Variants in GRM7 observed in about 807,000 individuals in gnomAD.
GRM7 encodes the protein metabotropic glutamate receptor 7.
A neutral mutation model predicts 84.5 loss-of-function variants in GRM7; 35 were observed. The observed-to-expected ratio is 0.41, with a 90% confidence interval of 0.32 to 0.55. GRM7 has a LOEUF of 0.55. Ranked by LOEUF, GRM7 falls within the 20% of genes least tolerant of loss-of-function variation. GRM7 has a pLI of 0.19. For missense variants in GRM7, 1,003 were observed against 1,194.6 expected, an observed-to-expected ratio of 0.84 and a Z score of 2.36; for synonymous variants, 487 against 455.1, an observed-to-expected ratio of 1.07 and a Z score of -0.89.
intron 8 of GRM7, among the ~76,000 whole-genome samples, chr3:7,611,877 AC>A (rs1696864293): frequency 6.6e-6 from 1 of 152,224 alleles, no homozygotes; most frequent in Non-Finnish European, 1.5e-5. Flanking sequence ...GTATGAGAAT[AC>A]AAAAATCATA....
chr3:7,602,203 C>T (rs568913452), intron 8 of GRM7, among the ~76,000 whole-genome samples: 1 of 151,904 alleles, frequency 6.6e-6, no homozygotes, highest in South Asian at 2.1e-4. Flanking sequence ...GGCTTTGGTG[C>T]CCTTGGAATG....
intron 4 of GRM7, among the ~76,000 whole-genome samples, chr3:7,336,547 A>G (rs992096681): frequency 8.5e-5 from 13 of 152,114 alleles, no homozygotes; most frequent in African/African-American, 1.7e-4. Context: ...CACCAGAGCA[A>G]TTAGACAAGA....
At chr3:7,080,697 T>TAC (rs35229114) in intron 1 of GRM7, among the ~76,000 whole-genome samples, 35,544 of 151,582 alleles carry the variant, frequency 0.23, 4,545 homozygotes, top group African/African-American at 0.32. Flanking sequence ...TATATATATA[T>TAC]ACAAACTACG....
chr3:7,606,877 G>A (rs1048824371), intron 8 of GRM7: 1 of 152,098 alleles, frequency 6.6e-6, no homozygotes, highest in African/African-American at 2.4e-5. Context: ...TCAATGTAAA[G>A]CATTGAAGTC....
chr3:7,392,076 A>T (rs1393541147), intron 4 of GRM7, among the ~76,000 whole-genome samples: 2 of 152,180 alleles, frequency 1.3e-5, no homozygotes, highest in African/African-American at 2.4e-5. Context: ...GGCCTTTGGC[A>T]GACTGTGCTA....
At chr3:7,183,166 A>G (rs1293784115) in intron 2 of GRM7, among the ~76,000 whole-genome samples, 1 of 152,198 alleles carries the variant, frequency 6.6e-6, no homozygotes, top group Non-Finnish European at 1.5e-5. Flanking sequence ...TTTCACGTAT[A>G]TATCAAATGA....
At chr3:6,941,439 G>A (rs1316585756) in intron 1 of GRM7, among the ~76,000 whole-genome samples, 1 of 152,146 alleles carries the variant, frequency 6.6e-6, no homozygotes, top group Non-Finnish European at 1.5e-5. Context: ...ACAAACTTTG[G>A]ATGAAAAAGT....
intron 5 of GRM7, among the ~76,000 whole-genome samples, chr3:7,444,052 A>T (rs776852486): frequency 2.6e-5 from 4 of 152,204 alleles, no homozygotes; most frequent in Non-Finnish European, 5.9e-5. Flanking sequence ...CAAAGTTCAC[A>T]TCATCCTTTT....
chr3:7,299,661 G>T (rs957168723), intron 3 of GRM7, among the ~76,000 whole-genome samples: 1 of 152,076 alleles, frequency 6.6e-6, no homozygotes, highest in South Asian at 2.1e-4. Flanking sequence ...TACACAAATG[G>T]TAGCATGTTG....
chr3:7,103,950 T>C (rs1699212412), intron 1 of GRM7, among the ~76,000 whole-genome samples: 1 of 151,236 alleles, frequency 6.6e-6, no homozygotes, highest in African/African-American at 2.4e-5. Flanking sequence ...TTGTAGACAA[T>C]GTTGTTAATC....
chr3:7,644,154 GTA>G (rs56065518), intron 8 of GRM7, among the ~76,000 whole-genome samples: 30,309 of 102,730 alleles, frequency 0.3, 5,104 homozygotes, highest in Non-Finnish European at 0.35. Context: ...ATGTCTGTAC[GTA>G]TATATATATA....
intron 4 of GRM7, among the ~76,000 whole-genome samples, chr3:7,319,356 A>C (rs1700691364): frequency 6.6e-6 from 1 of 152,068 alleles, no homozygotes; most frequent in South Asian, 2.1e-4. Context: ...AAAGAGCCAA[A>C]AGTATCAAAC....
At chr3:6,910,223 G>A (rs1457240132) in intron 1 of GRM7, among the ~76,000 whole-genome samples, 1 of 152,094 alleles carries the variant, frequency 6.6e-6, no homozygotes, top group Non-Finnish European at 1.5e-5. Context: ...CTAATCCATA[G>A]GTATCACCAG....
At chr3:7,441,599 T>C (rs1199513522) in intron 5 of GRM7, among the ~76,000 whole-genome samples, 1 of 152,074 alleles carries the variant, frequency 6.6e-6, no homozygotes, top group African/African-American at 2.4e-5. Flanking sequence ...TCTTAAAGAG[T>C]TTGTATAGTT....
chr3:7,619,954 C>G (rs1274594900), intron 8 of GRM7, among the ~76,000 whole-genome samples: 1 of 152,104 alleles, frequency 6.6e-6, no homozygotes, highest in Non-Finnish European at 1.5e-5. Flanking sequence ...TCTGCCTTTG[C>G]CTTATTTTAG....
intron 7 of GRM7, among the ~76,000 whole-genome samples, chr3:7,574,679 G>A (rs1694872574): frequency 6.6e-6 from 1 of 152,326 alleles, no homozygotes; most frequent in South Asian, 2.1e-4. Flanking sequence ...AGCAAGAAGA[G>A]CTTCTCACAG....
At chr3:7,209,123 C>T (rs1026873482) in intron 2 of GRM7, among the ~76,000 whole-genome samples, 3 of 152,116 alleles carry the variant, frequency 2.0e-5, no homozygotes, top group African/African-American at 7.2e-5. Context: ...TACTCAAAGC[C>T]TATTGTAAAA....
At chr3:7,250,545 A>G (rs76945705) in intron 2 of GRM7, among the ~76,000 whole-genome samples, 151,670 of 151,674 alleles carry the variant, frequency 1, 75,833 homozygotes, top group Middle Eastern at 1. Flanking sequence ...AAATCCAAAA[A>G]AATCCCCATC....
intron 1 of GRM7, among the ~76,000 whole-genome samples, chr3:6,866,899 A>G (rs887545207): frequency 2.0e-5 from 3 of 152,208 alleles, no homozygotes; most frequent in African/African-American, 7.2e-5. Flanking sequence ...TTTCTCTCAG[A>G]GATAAATGGG....
Sources: allele counts gnomAD v4.1 joint callset (sites outside exome capture counted in the v4.1 genomes callset), GRCh38; gene constraint gnomAD v4.1.1; transcripts MANE v1.5; gene names NCBI Gene and HGNC (gene_info 2026-07-23, HGNC 2026-07-21).